Variants in RELN observed in about 807,000 individuals in gnomAD.
RELN encodes reelin.
A neutral mutation model predicts 427.6 loss-of-function variants in RELN; 108 were observed. The ratio of observed to expected loss-of-function variants is 0.25; its 90% CI spans 0.22 to 0.30. The LOEUF is 0.30. Ranked by LOEUF, RELN falls within the 10% of genes least tolerant of loss-of-function variation. The pLI, the probability that RELN is intolerant of heterozygous loss-of-function variation, is 1.00. For synonymous variants in RELN, 1,524 were observed against 1,513.4 expected (o/e 1.01, Z -0.16); for missense variants, 3,715 against 4,302.8 (o/e 0.86, Z 3.82).
At chr7:103,827,351 A>G (rs539092049) in intron 3 of RELN, among the ~76,000 whole-genome samples, 2 of 152,086 alleles carry the variant, frequency 1.3e-5, no homozygotes, top group South Asian at 4.1e-4. Context: ...GAAAGGAGAA[A>G]AGAGGGGGGA....
At chr7:103,790,114 C>T (rs1584494546) in intron 3 of RELN, among the ~76,000 whole-genome samples, 1 of 152,244 alleles carries the variant, frequency 6.6e-6, no homozygotes, top group East Asian at 1.9e-4. Flanking sequence ...GGTTCTCACT[C>T]ATAAGTGGGA....
rs1272631057 is a variant in RELN, at chr7:103,953,825, G to C, written c.226+35306C>G. Among the ~76,000 whole-genome samples, 1 of 151,960 alleles carries C rather than the reference G, an allele frequency of 6.6e-6. No individual in the cohort carries two copies. The highest frequency in any genetic ancestry group is 2.4e-5 in the African/African-American group (1 of 41,362). On this transcript the variant is annotated intron_variant, in intron 1 of 64. Coordinates refer to ENST00000428762, the MANE Select transcript of RELN (RefSeq NM_005045.4). This position sits in a 1 kb window ranked among gnomAD's most constrained non-coding sequence, Gnocchi z 4.3. ...CACACGCCTATAATCCCAACTACTC[G>C]GGAGACTGAGGCAGGAGAATCCCCT...
intron 2 of RELN, among the ~76,000 whole-genome samples, chr7:103,910,329 T>C (rs943248479): frequency 2.7e-5 from 4 of 147,300 alleles, no homozygotes; most frequent in Non-Finnish European, 5.9e-5. Flanking sequence ...CAATGGGGTT[T>C]TCTAGATATA....
chr7:103,634,457 A>G (rs139481790), intron 19 of RELN, among the ~76,000 whole-genome samples: 48 of 152,332 alleles, frequency 3.2e-4, no homozygotes, highest in African/African-American at 1.1e-3. Context: ...TCTTTTAGAC[A>G]CACCTAAAAT....
intron 6 of RELN, 141 bp downstream of exon 6, chr7:103,749,285 C>A: frequency 1.4e-6 from 1 of 725,728 alleles, no homozygotes; most frequent in Non-Finnish European, 2.5e-6. Flanking sequence ...TACATTAAGC[C>A]CAGTTCCATA....
At chr7:103,650,565 A>C in intron 15 of RELN, among the ~76,000 whole-genome samples, 182 bp from the exon 16 acceptor site, 1 of 152,138 alleles carries the variant, frequency 6.6e-6, no homozygotes, top group East Asian at 1.9e-4. Flanking sequence ...CAATTTGTAA[A>C]AACATCCACG....
chr7:103,576,387 G>A (rs1831003085), intron 28 of RELN, among the ~76,000 whole-genome samples: 1 of 152,116 alleles, frequency 6.6e-6, no homozygotes, highest in Non-Finnish European at 1.5e-5. Flanking sequence ...TGATCTGCCC[G>A]CCTCAGCCTC....
intron 2 of RELN, among the ~76,000 whole-genome samples, chr7:103,888,517 C>T (rs1456930382): frequency 1.3e-5 from 2 of 152,124 alleles, no homozygotes; most frequent in African/African-American, 4.8e-5. Flanking sequence ...CTTTTGGCAC[C>T]ACCTAATCCC....
In RELN at chr7:103,917,101, A is replaced by G. The variant is rs764845581; in HGVS notation, c.311T>C (p.Ile104Thr). 10 of 1,613,444 alleles carry G rather than the reference A, an allele frequency of 6.2e-6. No individual in the cohort carries two copies. The highest frequency in any genetic ancestry group is 1.3e-5 in the African/African-American group (1 of 74,884). The stretch of plus-strand genomic sequence containing the variant: ...AAATCCGAAAGCACTGGAACCTCCA[A>G]TGCTCTGTGATGCCTGAACACTTGT... Reference protein sequence around the residue: ...TSTSVQASQSIGGSSAFGFGI... With the variant: ...TSTSVQASQSTGGSSAFGFGI... Residue 104 changes from isoleucine to threonine, a missense_variant, in exon 2 of 65, where the codon ATT (isoleucine) becomes ACT (threonine). This residue lies in a region of RELN where 2,208 missense variants were observed against 2,361.7 expected (regional missense o/e 0.93). Transcript: ENST00000428762.
intron 1 of RELN, among the ~76,000 whole-genome samples, chr7:103,934,895 T>C (rs148993292): frequency 6.6e-6 from 1 of 152,282 alleles, no homozygotes; most frequent in African/African-American, 2.4e-5. Context: ...AGAACCACAC[T>C]AGGAAGGGTC....
intron 3 of RELN, among the ~76,000 whole-genome samples, chr7:103,789,077 C>T (rs996320738): frequency 2.6e-5 from 4 of 152,208 alleles, no homozygotes; most frequent in African/African-American, 7.2e-5. Flanking sequence ...CTGACAAAAA[C>T]GAGCAATGGG....
intron 1 of RELN, among the ~76,000 whole-genome samples, chr7:103,986,294 A>T (rs1215931942): frequency 6.6e-6 from 1 of 152,210 alleles, no homozygotes; most frequent in African/African-American, 2.4e-5. Flanking sequence ...GTAACCATGC[A>T]CTATTTATAG....
chr7:103,667,794 C>T lies in RELN; in HGVS notation c.1290-6267G>A, dbSNP rs1393801583. Among the ~76,000 whole-genome samples the T allele has an allele frequency of 2.0e-5, 3 of 152,138 alleles. 1 individual carries two copies. The highest frequency in any genetic ancestry group is 7.2e-5 in the African/African-American group (3 of 41,416). On this transcript the variant is annotated intron_variant, in intron 11 of 64. Transcript: ENST00000428762. ...CCTTGCACAAAGTTTATCATGTATG[C>T]TTACTTTAGAATTAGTTAATTCTAT...
At chr7:103,823,534 C>A (rs1022771959) in intron 3 of RELN, among the ~76,000 whole-genome samples, 2 of 151,958 alleles carry the variant, frequency 1.3e-5, no homozygotes, top group Non-Finnish European at 2.9e-5. Flanking sequence ...GAGCCCATAA[C>A]CTTCTTGCAA....
In RELN at chr7:103,640,087, G is replaced by A. The variant is rs1023842672; in HGVS notation, c.2069+456C>T. ...TTTCAAAAGTAAACAAGACGCTTAA[G>A]TTATATTTAAAGATGATGAATTTGC... is the stretch of plus-strand genomic sequence containing the variant. On this transcript the variant is annotated intron_variant, in intron 17 of 64. Transcript: ENST00000428762. The surrounding 1 kb of genome is among the most constrained non-coding windows in gnomAD (Gnocchi z 4.1). Among the ~76,000 whole-genome samples the A allele has an allele frequency of 6.6e-6, 1 of 152,138 alleles. No homozygotes were observed. Among genetic ancestry groups the A allele is most frequent in the African/African-American group, 2.4e-5 (1 of 41,424 alleles).
chr7:103,763,186 T>C (rs976387619), intron 4 of RELN, among the ~76,000 whole-genome samples: 1 of 152,138 alleles, frequency 6.6e-6, no homozygotes, highest in Non-Finnish European at 1.5e-5. Flanking sequence ...GTAAAGTTCA[T>C]CAATGAAAAA....
At chr7:103,834,450 T>C (rs1793351943) in intron 2 of RELN, among the ~76,000 whole-genome samples, 1 of 152,326 alleles carries the variant, frequency 6.6e-6, no homozygotes, top group East Asian at 1.9e-4. Context: ...TGATGTTCTG[T>C]GACTTGCTCA....
At chr7:103,734,527 T>C (rs1790443124) in intron 6 of RELN, among the ~76,000 whole-genome samples, 1 of 152,194 alleles carries the variant, frequency 6.6e-6, no homozygotes, top group South Asian at 2.1e-4. Flanking sequence ...CTAGCAATCC[T>C]CAAAAACCAT....
chr7:103,606,391 GA>G (rs1375896190), intron 22 of RELN, among the ~76,000 whole-genome samples: 3 of 152,156 alleles, frequency 2.0e-5, no homozygotes, highest in Admixed American at 1.3e-4. Context: ...GTAGTTGGGG[GA>G]CAAGGCCCCC....
Sources: allele counts gnomAD v4.1 joint callset (sites outside exome capture counted in the v4.1 genomes callset), GRCh38; gene constraint gnomAD v4.1.1; regional missense constraint gnomAD v4.1.1; non-coding constraint Gnocchi (gnomAD v3.1); transcripts MANE v1.5; gene names NCBI Gene and HGNC (gene_info 2026-07-23, HGNC 2026-07-21).